Variants in SUPT3H observed in about 807,000 individuals in gnomAD.
SUPT3H encodes the protein SPT3 homolog, SAGA and STAGA complex component, also known as transcription initiation protein SPT3 homolog.
Under a neutral mutation model 44.3 loss-of-function variants are expected in SUPT3H, and 44 were observed. That is an observed-to-expected ratio of 0.99 (90% CI 0.78 to 1.28). The LOEUF is 1.28. SUPT3H is among the 50% of genes most tolerant of loss of function. The probability of loss-of-function intolerance (pLI) is 0.00; values close to 1 mark genes in which losing one functional copy is unlikely to be tolerated. For missense variants in SUPT3H, 380 were observed against 387.1 expected (o/e 0.98, Z 0.15); for synonymous variants, 124 against 125.6 (o/e 0.99, Z 0.09).
chr6:45,155,864 C>A (rs1807732132), intron 2 of SUPT3H, among the ~76,000 whole-genome samples: 1 of 151,982 alleles, frequency 6.6e-6, no homozygotes, highest in African/African-American at 2.4e-5. Flanking sequence ...TTGAAGAAAC[C>A]AGTAAAAGTT....
At chr6:44,905,239 C>T (rs978351817) in intron 10 of SUPT3H, among the ~76,000 whole-genome samples, 6 of 152,110 alleles carry the variant, frequency 3.9e-5, no homozygotes, top group Non-Finnish European at 7.4e-5. Context: ...AGGCAACCTA[C>T]AGAATGGAAG....
intron 7 of SUPT3H, chr6:44,955,204 G>C (rs1335415830): frequency 6.5e-6 from 1 of 153,094 alleles, no homozygotes; most frequent in East Asian, 1.9e-4. Flanking sequence ...GAATATACCA[G>C]GAAAGCCAAG....
At chr6:45,207,764 A>C (rs1456386427) in intron 2 of SUPT3H, among the ~76,000 whole-genome samples, 1 of 152,096 alleles carries the variant, frequency 6.6e-6, no homozygotes, top group East Asian at 1.9e-4. Context: ...AAAATAGCAA[A>C]TTTAATTGAT....
chr6:44,825,326 T>C (rs1767660976), downstream of SUPT3H, among the ~76,000 whole-genome samples: 2 of 152,242 alleles, frequency 1.3e-5, no homozygotes. Context: ...AGGAGGAATG[T>C]TAAGTTAAAA....
chr6:45,037,407 G>C (rs1223202562), intron 3 of SUPT3H, among the ~76,000 whole-genome samples: 2 of 151,844 alleles, frequency 1.3e-5, no homozygotes, highest in Non-Finnish European at 2.9e-5. Flanking sequence ...CCAGCACTTT[G>C]GGAGGCTGAG....
chr6:45,003,799 G>A lies in SUPT3H; in HGVS notation c.365-7C>T, dbSNP rs763609780. ...TTGCTGCCACTCAATTTGTCTTCATGAAGTCAAGGGAAAGAAAAAAAGAAA... is the reference window on the plus strand; with the variant it reads ...TTGCTGCCACTCAATTTGTCTTCATAAAGTCAAGGGAAAGAAAAAAAGAAA... On this transcript the variant is annotated splice_region_variant and splice_polypyrimidine_tract_variant and intron_variant, in intron 5 of 10. Coordinates refer to ENST00000371459, the MANE Select transcript of SUPT3H (RefSeq NM_003599.4). 1.7e-5 allele frequency: 28 copies of A among 1,612,710 alleles called. No individual in the cohort carries two copies. The highest frequency in any genetic ancestry group is 1.9e-5 in the Non-Finnish European group (23 of 1,179,558).
intron 10 of SUPT3H, among the ~76,000 whole-genome samples, chr6:44,887,055 C>A (rs993336128): frequency 6.6e-6 from 1 of 152,180 alleles, no homozygotes; most frequent in Non-Finnish European, 1.5e-5. Flanking sequence ...ATCAATACAA[C>A]AAGAAGAGCT....
chr6:44,901,283 T>TA (rs1049584106), intron 10 of SUPT3H, among the ~76,000 whole-genome samples: 3 of 151,882 alleles, frequency 2.0e-5, no homozygotes, highest in Admixed American at 6.6e-5. Flanking sequence ...GAAAAAAAAT[T>TA]AGACGAATGG....
chr6:44,908,570 T>C (rs374098781), intron 10 of SUPT3H, among the ~76,000 whole-genome samples: 2 of 152,146 alleles, frequency 1.3e-5, no homozygotes, highest in African/African-American at 4.8e-5. Context: ...TATTTCACAC[T>C]GGTACTATGG....
rs1233763459 is a variant in SUPT3H, at chr6:45,124,341, T to C, written c.102-18335A>G. On this transcript the variant is annotated intron_variant, in intron 2 of 10. Transcript: ENST00000371459. ...CATGTTCTTATTTAAATTGTAAAAG[T>C]ACAGTTGAAAAATTGTACTGGCTGA... Among the ~76,000 whole-genome samples the C allele has an allele frequency of 2.0e-5, 3 of 152,006 alleles. No homozygotes were observed. The East Asian group carries it at 5.8e-4, about 29-fold the overall frequency.
At chr6:45,183,455 T>A (rs1014555681) in intron 2 of SUPT3H, among the ~76,000 whole-genome samples, 2 of 152,290 alleles carry the variant, frequency 1.3e-5, no homozygotes, top group East Asian at 3.9e-4. Context: ...AATTTACTCA[T>A]AGCAGAAGGT....
At chr6:45,252,839 T>C (rs548898642) in intron 2 of SUPT3H, among the ~76,000 whole-genome samples, 76 of 152,240 alleles carry the variant, frequency 5.0e-4, no homozygotes, top group African/African-American at 1.7e-3. Flanking sequence ...TTAGAAATAA[T>C]GTATCAGAAC....
At chr6:44,993,416 C>T (rs1780860911) in intron 6 of SUPT3H, among the ~76,000 whole-genome samples, 1 of 143,126 alleles carries the variant, frequency 7.0e-6, no homozygotes, top group East Asian at 1.9e-4. Flanking sequence ...CTGTAACTTG[C>T]TTTTTATTTC....
At chr6:45,328,201 G>A in intron 2 of SUPT3H, 2 of 1,107,684 alleles carry the variant, frequency 1.8e-6, no homozygotes, top group South Asian at 3.0e-5. Context: ...AGCCACAGTG[G>A]TAGGCAGTCC....
At chr6:45,375,549 A>ATT (rs898959790) in intron 1 of SUPT3H, among the ~76,000 whole-genome samples, 1 of 147,940 alleles carries the variant, frequency 6.8e-6, no homozygotes, top group African/African-American at 2.5e-5. Flanking sequence ...CAAGAGCATC[A>ATT]TTTTTTTTTT....
intron 2 of SUPT3H, among the ~76,000 whole-genome samples, chr6:45,172,606 T>A (rs1362420841): frequency 6.6e-6 from 1 of 151,576 alleles, no homozygotes; most frequent in Admixed American, 6.6e-5. Flanking sequence ...TTTTTTTTTT[T>A]TTTTGAAATG....
At chr6:45,173,334 A>C (rs1157183266) in intron 2 of SUPT3H, among the ~76,000 whole-genome samples, 1 of 152,222 alleles carries the variant, frequency 6.6e-6, no homozygotes, top group Non-Finnish European at 1.5e-5. Context: ...TTTTGCAATT[A>C]CAAACACAAG....
intron 2 of SUPT3H, among the ~76,000 whole-genome samples, chr6:45,152,538 C>T (rs1005234120): frequency 1.3e-5 from 2 of 152,154 alleles, no homozygotes; most frequent in African/African-American, 4.8e-5. Context: ...CTTGCCCAGG[C>T]TAGAGTGCAG....
intron 2 of SUPT3H, among the ~76,000 whole-genome samples, chr6:45,211,505 G>A (rs1764073211): frequency 6.6e-6 from 1 of 152,032 alleles, no homozygotes; most frequent in Non-Finnish European, 1.5e-5. Context: ...AGAGGACAAC[G>A]AACACATCTC....
Sources: allele counts gnomAD v4.1 joint callset (sites outside exome capture counted in the v4.1 genomes callset), GRCh38; gene constraint gnomAD v4.1.1; transcripts MANE v1.5; gene names NCBI Gene and HGNC (gene_info 2026-07-23, HGNC 2026-07-21).